HMCN1: variants seen among roughly 807,000 people sequenced by gnomAD.
HMCN1 encodes the protein hemicentin 1.
Under a neutral mutation model 625.9 loss-of-function variants are expected in HMCN1, and 321 were observed. The ratio of observed to expected loss-of-function variants is 0.51; its 90% CI spans 0.47 to 0.56. The LOEUF (loss-of-function observed/expected upper bound fraction) is 0.56, where lower values mean the gene tolerates loss of function less well. Among genes scored for constraint, HMCN1 ranks in the 20% least tolerant of loss-of-function variants. HMCN1 has a pLI of 0.00. For synonymous variants in HMCN1, 2,425 were observed against 2,417.6 expected (o/e 1.00, Z -0.09); for missense variants, 6,588 against 6,887.3 (o/e 0.96, Z 1.54).
chr1:185,787,224 G>A (rs1442951920), intron 1 of HMCN1, among the ~76,000 whole-genome samples: 1 of 151,818 alleles, frequency 6.6e-6, no homozygotes, highest in Non-Finnish European at 1.5e-5. Context: ...AAGGCAGACA[G>A]AAAATATTTA....
intron 91 of HMCN1, 111 bp from the exon 92 acceptor site, chr1:186,145,292 T>C (rs1408617038): frequency 2.2e-5 from 24 of 1,089,396 alleles, no homozygotes; most frequent in Admixed American, 8.3e-5. Context: ...CATGTTTTGT[T>C]TTAGGTGCTG....
At chr1:185,761,968 T>C (rs1262892238) in intron 1 of HMCN1, among the ~76,000 whole-genome samples, 1 of 152,186 alleles carries the variant, frequency 6.6e-6, no homozygotes, top group Non-Finnish European at 1.5e-5. Context: ...ACTGACTTTG[T>C]ACAAAGGATA....
At chr1:186,160,252 G>C (rs1357023407) in intron 97 of HMCN1, among the ~76,000 whole-genome samples, 1 of 146,188 alleles carries the variant, frequency 6.8e-6, no homozygotes, top group Non-Finnish European at 1.5e-5. Context: ...TATTTCTGTG[G>C]GATCGGTGGT....
chr1:185,996,218 G>A (rs994938754), intron 24 of HMCN1, among the ~76,000 whole-genome samples: 15 of 152,232 alleles, frequency 9.9e-5, no homozygotes, highest in African/African-American at 3.1e-4. Context: ...GGCCTCCCTT[G>A]GGGTAGGGAC....
At chr1:185,948,228 G>GCAT (rs1214702787) in intron 11 of HMCN1, among the ~76,000 whole-genome samples, 1 of 152,112 alleles carries the variant, frequency 6.6e-6, no homozygotes, top group African/African-American at 2.4e-5. Context: ...TTCTCATGTA[G>GCAT]CATTGCTTGA....
At chr1:185,881,097 T>TA (rs774180862) in intron 4 of HMCN1, among the ~76,000 whole-genome samples, 5 of 152,234 alleles carry the variant, frequency 3.3e-5, no homozygotes, top group Non-Finnish European at 5.9e-5. Context: ...GCTTGAATGT[T>TA]AACAGCTCAG....
At chr1:185,771,871 T>C (rs1656264652) in intron 1 of HMCN1, among the ~76,000 whole-genome samples, 1 of 152,180 alleles carries the variant, frequency 6.6e-6, no homozygotes, top group South Asian at 2.1e-4. Flanking sequence ...TTTGATACAT[T>C]ACGTGCTTCA....
chr1:186,081,443 C>G, intron 56 of HMCN1, 49 bp downstream of exon 56: 11 of 1,335,118 alleles, frequency 8.2e-6, no homozygotes, highest in Non-Finnish European at 1.2e-5. Context: ...TGACTTTGCA[C>G]TTTGTAATAA....
At chr1:185,878,148 G>C (rs907770673) in intron 4 of HMCN1, among the ~76,000 whole-genome samples, 21 of 152,128 alleles carry the variant, frequency 1.4e-4, no homozygotes, top group Non-Finnish European at 1.2e-4. Context: ...TCAAGTCTAG[G>C]AGTCTTTAGA....
At chr1:185,838,885 T>C (rs762907932) in intron 1 of HMCN1, among the ~76,000 whole-genome samples, 2 of 152,208 alleles carry the variant, frequency 1.3e-5, no homozygotes, top group East Asian at 1.9e-4. Flanking sequence ...GTTGAATGAA[T>C]TGAAGCAAGT....
At chr1:185,967,141 C>CTTTA (rs1345070003) in intron 14 of HMCN1, among the ~76,000 whole-genome samples, 4 of 151,988 alleles carry the variant, frequency 2.6e-5, no homozygotes, top group African/African-American at 9.7e-5. Context: ...GACAGTATTT[C>CTTTA]TTTATTTTAA....
intron 35 of HMCN1, among the ~76,000 whole-genome samples, chr1:186,020,043 A>G (rs1020737470): frequency 2.0e-5 from 3 of 152,060 alleles, no homozygotes; most frequent in Non-Finnish European, 4.4e-5. Flanking sequence ...TAAAATTAAG[A>G]TACAGTCATA....
chr1:186,089,046 A>G (rs1659692996), intron 63 of HMCN1, among the ~76,000 whole-genome samples: 1 of 151,926 alleles, frequency 6.6e-6, no homozygotes, highest in Non-Finnish European at 1.5e-5. Flanking sequence ...AGTTATACTT[A>G]TTTTAAACTG....
chr1:186,004,422 T>G (rs1558135117), intron 29 of HMCN1, among the ~76,000 whole-genome samples: 1 of 152,148 alleles, frequency 6.6e-6, no homozygotes, highest in Non-Finnish European at 1.5e-5. Flanking sequence ...AGTCAAGATT[T>G]GTGGTATATA....
chr1:185,942,257 T>A (rs1172689978), intron 11 of HMCN1, among the ~76,000 whole-genome samples: 1 of 150,734 alleles, frequency 6.6e-6, no homozygotes, highest in Non-Finnish European at 1.5e-5. Flanking sequence ...AATTCAAGTA[T>A]GTAAGAAAAT....
intron 40 of HMCN1, among the ~76,000 whole-genome samples, chr1:186,045,411 T>C (rs1179511445): frequency 1.3e-5 from 2 of 152,196 alleles, no homozygotes; most frequent in Non-Finnish European, 2.9e-5. Context: ...CAGTAACATC[T>C]AGTTCTAGAA....
chr1:186,035,785 T>C lies in HMCN1; in HGVS notation c.5750-2149T>C, dbSNP rs546637593. ...GCATTTCATGGGCTAATATCTCATT[T>C]TGAAAACATTCCACTGTCATTTGAA... is the stretch of plus-strand genomic sequence containing the variant. On this transcript the variant is annotated intron_variant, in intron 36 of 106. Transcript: ENST00000271588. 2.4e-4 allele frequency among the ~76,000 whole-genome samples: 37 copies of C among 152,280 alleles called. No homozygotes were observed. The Middle Eastern group carries it at 0.017, about 70-fold the overall frequency.
At chr1:186,045,944 CT>C in intron 41 of HMCN1, 81 bp downstream of exon 41, 2 of 991,538 alleles carry the variant, frequency 2.0e-6, no homozygotes, top group Non-Finnish European at 1.6e-6. Flanking sequence ...GCGTGACTGT[CT>C]TTTATAAGTG....
chr1:186,187,982 C>T lies in HMCN1; in HGVS notation c.16514C>T (p.Pro5505Leu). The T allele has an allele frequency of 6.2e-7, 1 of 1,613,862 alleles. No individual in the cohort carries two copies. The highest frequency in any genetic ancestry group is 8.5e-7 in the Non-Finnish European group (1 of 1,179,814). The part of the protein sequence containing the change: ...SYQCIDTPCP[P>L]NYQRDPVSGF... ...CAGTGCATCGATACACCCTGTCCACCCAACTACCAACGGGATCCTGTTTCA... is the reference window on the plus strand; with the variant it reads ...CAGTGCATCGATACACCCTGTCCACTCAACTACCAACGGGATCCTGTTTCA... Residue 5505 changes from proline to leucine, a missense_variant, in exon 106 of 107, where the codon CCC becomes CTC. Pro to Leu is a moderately conservative substitution (Grantham distance 98). Transcript: ENST00000271588.
Sources: gnomAD v4.1 joint callset for allele counts (sites outside exome capture counted in the v4.1 genomes callset) on GRCh38, gnomAD v4.1.1 for gene constraint, MANE v1.5 for transcripts, NCBI Gene and HGNC (gene_info 2026-07-23, HGNC 2026-07-21) for gene names.